Variants in KIAA1328 observed in about 807,000 individuals in gnomAD.
KIAA1328 encodes the protein protein hinderin.
Under a neutral mutation model 68.1 loss-of-function variants are expected in KIAA1328, and 52 were observed. The ratio of observed to expected loss-of-function variants is 0.76; its 90% CI spans 0.61 to 0.96. KIAA1328 has a LOEUF of 0.96. Ranked by LOEUF, KIAA1328 falls within the 40% of genes least tolerant of loss-of-function variation. KIAA1328 has a pLI of 0.00. For missense variants in KIAA1328, 641 were observed against 677.6 expected (o/e 0.95, Z 0.60); for synonymous variants, 232 against 239.4 (o/e 0.97, Z 0.28).
chr18:36,883,154 G>A (rs570094988), intron 4 of KIAA1328, among the ~76,000 whole-genome samples: 4 of 152,124 alleles, frequency 2.6e-5, no homozygotes, highest in Non-Finnish European at 5.9e-5. Context: ...GAGGGATTTT[G>A]TTACATATTT....
At chr18:37,020,828 T>TG (rs2054320071) in intron 6 of KIAA1328, among the ~76,000 whole-genome samples, 1 of 152,212 alleles carries the variant, frequency 6.6e-6, no homozygotes, top group South Asian at 2.1e-4. Flanking sequence ...TAGGAATGAC[T>TG]GAGTTGGCTC....
intron 6 of KIAA1328, among the ~76,000 whole-genome samples, chr18:37,003,840 C>T (rs544909205): frequency 2.4e-4 from 37 of 151,900 alleles, no homozygotes; most frequent in Admixed American, 1.1e-3. Context: ...TAGTTGGATA[C>T]GGTGTTCTTT....
intron 6 of KIAA1328, among the ~76,000 whole-genome samples, chr18:37,052,468 G>T (rs938188341): frequency 6.6e-6 from 1 of 152,038 alleles, no homozygotes; most frequent in East Asian, 1.9e-4. Flanking sequence ...CCTGTTCAAC[G>T]TAGTACTGGA....
intron 7 of KIAA1328, among the ~76,000 whole-genome samples, chr18:37,096,619 T>C (rs1291761256): frequency 6.6e-6 from 1 of 152,196 alleles, no homozygotes; most frequent in Non-Finnish European, 1.5e-5. Context: ...GGTCAAATGG[T>C]ATTTCTAGTT....
chr18:36,894,628 A>G (rs1415804865), intron 5 of KIAA1328, among the ~76,000 whole-genome samples: 2 of 151,942 alleles, frequency 1.3e-5, no homozygotes, highest in Non-Finnish European at 1.5e-5. Context: ...AGGCCCAAGC[A>G]GTCCTCCCAC....
At chr18:37,059,223 A>T (rs897311020) in intron 6 of KIAA1328, among the ~76,000 whole-genome samples, 3 of 152,200 alleles carry the variant, frequency 2.0e-5, no homozygotes, top group African/African-American at 7.2e-5. Context: ...CATACTACAT[A>T]GTAAGCTCTG....
At chr18:36,857,994 G>T (rs1330839447) in intron 4 of KIAA1328, among the ~76,000 whole-genome samples, 4 of 152,020 alleles carry the variant, frequency 2.6e-5, no homozygotes, top group African/African-American at 9.7e-5. Flanking sequence ...GTGGTCTATG[G>T]TTGCCAATTA....
At chr18:37,160,003 G>C (rs1333931935) in intron 7 of KIAA1328, among the ~76,000 whole-genome samples, 197 bp from the exon 8 acceptor site, 1 of 152,062 alleles carries the variant, frequency 6.6e-6, no homozygotes, top group Non-Finnish European at 1.5e-5. Flanking sequence ...TGAGAATAAA[G>C]GCCATTTCTT....
chr18:37,174,694 C>T (rs893998841), intron 9 of KIAA1328, among the ~76,000 whole-genome samples: 2 of 151,584 alleles, frequency 1.3e-5, no homozygotes, highest in East Asian at 1.9e-4. Context: ...CCCAGGTTCA[C>T]GCCATTCTCC....
chr18:37,112,863 C>T (rs1317731244), intron 7 of KIAA1328, among the ~76,000 whole-genome samples: 1 of 152,104 alleles, frequency 6.6e-6, no homozygotes, highest in Non-Finnish European at 1.5e-5. Context: ...GTGATGCATG[C>T]ACAAGCTTCA....
chr18:36,918,170 C>G (rs1223068087), intron 5 of KIAA1328, among the ~76,000 whole-genome samples: 1 of 152,108 alleles, frequency 6.6e-6, no homozygotes, highest in East Asian at 1.9e-4. Flanking sequence ...AATATTCCCC[C>G]CCTTTTTTGT....
intron 5 of KIAA1328, among the ~76,000 whole-genome samples, chr18:36,895,234 T>C (rs914066787): frequency 2.0e-5 from 3 of 152,176 alleles, no homozygotes; most frequent in East Asian, 1.9e-4. Context: ...AGAAAACTTA[T>C]AAGAGATCTT....
intron 5 of KIAA1328, among the ~76,000 whole-genome samples, chr18:36,913,045 C>T (rs1278771135): frequency 1.3e-5 from 2 of 152,166 alleles, no homozygotes; most frequent in East Asian, 1.9e-4. Context: ...CCCTTTAGAT[C>T]ATCCTTCCTT....
At chr18:37,180,279 A>G (rs951042693) in intron 9 of KIAA1328, among the ~76,000 whole-genome samples, 4 of 152,166 alleles carry the variant, frequency 2.6e-5, no homozygotes, top group African/African-American at 9.7e-5. Context: ...CGATTTGACA[A>G]TGAGGAAATA....
intron 6 of KIAA1328, among the ~76,000 whole-genome samples, chr18:36,993,370 T>C (rs1346174210): frequency 2.0e-5 from 3 of 152,206 alleles, no homozygotes; most frequent in Non-Finnish European, 4.4e-5. Context: ...TTGTAGACTT[T>C]TGTTTTCAGA....
In KIAA1328 at chr18:37,200,796, C is replaced by T. The variant is rs538418961; in HGVS notation, c.1524-21221C>T. Reference sequence around the variant, plus strand: ...ACTGCAGTCCGCAGTCCGGCCTGGGCGACAGAGCGAGACTCCGTCTCAAAA... The same window carrying T: ...ACTGCAGTCCGCAGTCCGGCCTGGGTGACAGAGCGAGACTCCGTCTCAAAA... On this transcript the variant is annotated intron_variant, in intron 9 of 9. Transcript: ENST00000280020. Among the ~76,000 whole-genome samples, 454 of 140,442 alleles carry T rather than the reference C, an allele frequency of 3.2e-3. 3 individuals are homozygous for T. The highest frequency in any genetic ancestry group is 0.011 in the African/African-American group (421 of 37,236). 92.1% of individuals were successfully genotyped at this position (140,442 alleles called of 152,430 possible).
intron 6 of KIAA1328, among the ~76,000 whole-genome samples, chr18:37,006,501 A>G (rs2053788705): frequency 6.6e-6 from 1 of 151,974 alleles, no homozygotes; most frequent in Non-Finnish European, 1.5e-5. Context: ...TTTTTTATTT[A>G]TTTAATAGTT....
chr18:37,153,921 TATACTC>T (rs2059098552), intron 7 of KIAA1328, among the ~76,000 whole-genome samples: 1 of 151,896 alleles, frequency 6.6e-6, no homozygotes, highest in South Asian at 2.1e-4. Context: ...TTTTTTCTCT[TATACTC>T]TATTCGCTTA....
chr18:37,223,151 T>C lies in KIAA1328; in HGVS notation c.*924T>C. 3 of 979,232 alleles carry C rather than the reference T, an allele frequency of 3.1e-6. No homozygotes were observed. The highest frequency in any genetic ancestry group is 3.6e-6 in the Non-Finnish European group (3 of 829,166). The allele number at this position is 979,232 out of a possible 1,614,324, so 60.7% of individuals were successfully genotyped here. On this transcript the variant is annotated 3_prime_UTR_variant, in exon 10 of 10. Transcript: ENST00000280020. ...AGAGTGATGCAAGCTGCTGCAAAGC[T>C]GATGGGCTTCCTCTGGCCCTCCCTT...
Sources: allele counts gnomAD v4.1 joint callset (sites outside exome capture counted in the v4.1 genomes callset), GRCh38; gene constraint gnomAD v4.1.1; transcripts MANE v1.5; gene names NCBI Gene and HGNC (gene_info 2026-07-23, HGNC 2026-07-21).